Variants in IQSEC2 observed in about 807,000 individuals in gnomAD.
The protein encoded by IQSEC2 is IQ motif and SEC7 domain-containing protein 2.
Under a neutral mutation model 74.6 loss-of-function variants are expected in IQSEC2, and 6 were observed. The observed-to-expected ratio is 0.08, with a 90% CI of 0.04 to 0.16. The LOEUF is 0.16. Among genes scored for constraint, IQSEC2 ranks in the 10% least tolerant of loss-of-function variants. IQSEC2 has a pLI of 1.00. For synonymous variants in IQSEC2, 494 were observed against 544.5 expected (o/e 0.91, Z 1.29); for missense variants, 734 against 1,306.2 (o/e 0.56, Z 6.75).
intron 1 of IQSEC2, among the ~76,000 whole-genome samples, chrX:53,297,616 C>T (rs1351461374): frequency 3.6e-5 from 4 of 111,888 alleles, no homozygotes; most frequent in Non-Finnish European, 3.8e-5. Flanking sequence ...CATGAGCCAC[C>T]GTGCCCAGCC....
intron 4 of IQSEC2, 43 bp from the exon 5 acceptor site, chrX:53,251,217 A>T (rs1556863593): frequency 8.8e-7 from 1 of 1,142,752 alleles, no homozygotes; most frequent in Non-Finnish European, 1.2e-6. Context: ...GAGAGAAAAG[A>T]AAGAAAGATA....
At chrX:53,289,532 G>C (rs149660546) in intron 2 of IQSEC2, among the ~76,000 whole-genome samples, 2 of 110,961 alleles carry the variant, frequency 1.8e-5, no homozygotes, top group Non-Finnish European at 3.8e-5. Flanking sequence ...AAATCTGCAC[G>C]GCAGTCCCCG....
At chrX:53,301,114 A>G (rs938303130) in intron 1 of IQSEC2, among the ~76,000 whole-genome samples, 6 of 112,325 alleles carry the variant, frequency 5.3e-5, no homozygotes, top group African/African-American at 1.9e-4. Flanking sequence ...AATTTTTTAA[A>G]CGCTACTAAG....
intron 2 of IQSEC2, among the ~76,000 whole-genome samples, chrX:53,274,209 C>T (rs2074787625): frequency 9.0e-6 from 1 of 111,050 alleles, no homozygotes; most frequent in Non-Finnish European, 1.9e-5. Flanking sequence ...TAGAAAAGGC[C>T]TCTGGTTGGC....
intron 2 of IQSEC2, among the ~76,000 whole-genome samples, chrX:53,285,903 T>C (rs1006688467): frequency 6.2e-5 from 7 of 112,496 alleles, no homozygotes; most frequent in African/African-American, 2.3e-4. Flanking sequence ...TTCCTAACTC[T>C]TTATTCATAG....
chrX:53,248,968 A>G (rs2074346786), intron 5 of IQSEC2, 86 bp from the exon 6 acceptor site: 1 of 967,634 alleles, frequency 1.0e-6, no homozygotes, highest in Admixed American at 2.6e-5. Context: ...TTTGGGCCCA[A>G]CTAAGTCCGG....
At chrX:53,239,382 TC>T in intron 10 of IQSEC2, 88 bp from the exon 11 acceptor site, 1 of 484,129 alleles carries the variant, frequency 2.1e-6, no homozygotes, top group East Asian at 4.0e-5. Context: ...CACCCTCCCC[TC>T]CCACCCCATT....
intron 4 of IQSEC2, 92 bp from the exon 5 acceptor site, chrX:53,251,266 G>C: frequency 4.9e-4 from 425 of 871,019 alleles, no homozygotes; most frequent in Non-Finnish European, 6.5e-4. Flanking sequence ...AGGGAGGGAG[G>C]TAAGGAAAAA....
chrX:53,248,852 G>A lies in IQSEC2; in HGVS notation c.2328C>T (p.Ile776=), dbSNP rs781978108. 18 of 1,209,268 alleles carry A rather than the reference G, an allele frequency of 1.5e-5. No homozygotes were observed. Among genetic ancestry groups the A allele is most frequent in the Non-Finnish European group, 1.9e-5 (17 of 894,822 alleles). The change falls in exon 6 of 15, where the codon ATC becomes ATT. Residue 776 remains isoleucine (I), a synonymous_variant. Coordinates refer to ENST00000642864, the MANE Select transcript of IQSEC2 (RefSeq NM_001111125.3). The part of the protein sequence containing the change: ...KKPEKGIQYL[I]ERGFLSDTPV... ...GTGTGTCTGACAGGAAGCCCCGCTC[G>A]ATCAGATACTGGATACCCTTCTCTG...
chrX:53,261,670 T>A (rs781914835), intron 2 of IQSEC2, among the ~76,000 whole-genome samples: 20 of 104,791 alleles, frequency 1.9e-4, no homozygotes, highest in African/African-American at 5.9e-4. Context: ...ACACACACAC[T>A]CACACACACA....
chrX:53,264,296 C>A (rs781800771), intron 2 of IQSEC2, among the ~76,000 whole-genome samples: 33 of 111,453 alleles, frequency 3.0e-4, no homozygotes, highest in African/African-American at 1.0e-3. Context: ...ACATGGAGGC[C>A]ATGCGTGCAC....
chrX:53,237,375 T>C (rs1320149359), intron 12 of IQSEC2: 1 of 112,061 alleles, frequency 8.9e-6, no homozygotes, highest in African/African-American at 3.3e-5. Flanking sequence ...TTTCTATCCC[T>C]GCCTCGCTGA....
At chrX:53,251,580 C>T (rs1190823873) in intron 4 of IQSEC2, among the ~76,000 whole-genome samples, 1 of 111,967 alleles carries the variant, frequency 8.9e-6, no homozygotes, top group Non-Finnish European at 1.9e-5. Context: ...TAACATTTGA[C>T]CTTGAGCATC....
intron 8 of IQSEC2, among the ~76,000 whole-genome samples, chrX:53,244,114 G>A (rs2074265141): frequency 9.1e-6 from 1 of 109,734 alleles, no homozygotes; most frequent in Non-Finnish European, 1.9e-5. Context: ...AGGTACTCGG[G>A]AGGCTGAGGC....
At chrX:53,255,011 C>A in intron 3 of IQSEC2, 80 bp from the exon 4 acceptor site, 1 of 1,010,316 alleles carries the variant, frequency 9.9e-7, no homozygotes, top group Non-Finnish European at 1.4e-6. Context: ...CACACCACCC[C>A]CACTGGAATC....
chrX:53,269,020 C>A (rs782047204), intron 2 of IQSEC2, among the ~76,000 whole-genome samples: 1 of 112,180 alleles, frequency 8.9e-6, no homozygotes, highest in Non-Finnish European at 1.9e-5. Flanking sequence ...ATAGTGGTAT[C>A]CATGTTCCCT....
intron 2 of IQSEC2, among the ~76,000 whole-genome samples, chrX:53,257,285 G>A: frequency 8.9e-6 from 1 of 112,852 alleles, no homozygotes; most frequent in Non-Finnish European, 1.9e-5. Context: ...AGCTGGAACT[G>A]CAACAGGCCT....
At chrX:53,227,764 A>G, downstream of IQSEC2, 4 of 218,446 alleles carry the variant, frequency 1.8e-5, no homozygotes, top group Non-Finnish European at 3.4e-5. Flanking sequence ...AAGGAAGTAC[A>G]AAGAGCATGA....
Position 53,320,704 on chromosome X carries a change from C to T in IQSEC2, c.420G>A (p.Pro140=), listed in dbSNP as rs1556880150. ...CTGTGTAACCGGTAGTGTCCTGGAG[C>T]GGGTAGGAGGCGTCCCGCTCCTTGT... ...YRDKERDASY[P]LQDTTGYTAR... is the part of the protein sequence containing the mutation. Residue 140 remains proline (P), a synonymous_variant, in exon 1 of 15, where the codon CCG becomes CCA. Coordinates refer to ENST00000642864, the MANE Select transcript of IQSEC2 (RefSeq NM_001111125.3). The T allele has an allele frequency of 8.6e-7, 1 of 1,167,132 alleles. No homozygotes were observed. Among genetic ancestry groups the T allele is most frequent in the Admixed American group, 2.6e-5 (1 of 38,850 alleles).
Sources: gnomAD v4.1 joint callset for allele counts (sites outside exome capture counted in the v4.1 genomes callset) on GRCh38, gnomAD v4.1.1 for gene constraint, MANE v1.5 for transcripts, NCBI Gene and HGNC (gene_info 2026-07-23, HGNC 2026-07-21) for gene names.